TTC27: variants seen among roughly 807,000 people sequenced by gnomAD.
TTC27 encodes the protein tetratricopeptide repeat protein 27.
TTC27 carries 79 observed loss-of-function variants against 115.9 expected under a neutral mutation model. The ratio of observed to expected loss-of-function variants is 0.68; its 90% CI spans 0.57 to 0.82. TTC27 has a LOEUF of 0.82. Ranked by LOEUF, TTC27 falls within the 40% of genes least tolerant of loss-of-function variation. The pLI is 0.00. For synonymous variants in TTC27, 401 were observed against 356.0 expected (o/e 1.13, Z -1.42); for missense variants, 1,054 against 993.1 (o/e 1.06, Z -0.82).
chr2:32,813,305 C>T (rs1328392430), intron 18 of TTC27, among the ~76,000 whole-genome samples: 1 of 152,132 alleles, frequency 6.6e-6, no homozygotes, highest in African/African-American at 2.4e-5. Context: ...TAAAGTTCTC[C>T]TTCTACTTCC....
At position 32,760,775 on chromosome 2, in the gene TTC27, C is replaced by T. The variant is rs144551613; in HGVS notation, c.1680+2256C>T. Among the ~76,000 whole-genome samples, 475 of 152,314 alleles carry T rather than the reference C, an allele frequency of 3.1e-3. 10 individuals carry two copies. The highest frequency in any genetic ancestry group is 0.029 in the East Asian group (152 of 5,186). ...GTTCCCTCGCTTAGCCTGCCACAATCGCAGTTAAATCAGTGCCAGGTGCCT... is the reference window on the plus strand; with the variant it reads ...GTTCCCTCGCTTAGCCTGCCACAATTGCAGTTAAATCAGTGCCAGGTGCCT... On this transcript the variant is annotated intron_variant, in intron 13 of 19. Transcript: ENST00000317907.
chr2:32,668,301 T>C (rs910338423), intron 7 of TTC27, among the ~76,000 whole-genome samples: 9 of 148,954 alleles, frequency 6.0e-5, no homozygotes, highest in Non-Finnish European at 1.2e-4. Flanking sequence ...ACCCAGGAGG[T>C]GGAGGCTACA....
intron 10 of TTC27, among the ~76,000 whole-genome samples, chr2:32,708,526 T>C (rs1304500352): frequency 6.6e-6 from 1 of 151,886 alleles, no homozygotes; most frequent in Non-Finnish European, 1.5e-5. Flanking sequence ...GTCAGGCTGG[T>C]CTTGAACTCC....
chr2:32,664,151 T>C (rs774679994), intron 5 of TTC27, 152 bp from the exon 6 acceptor site: 39 of 587,022 alleles, frequency 6.6e-5, no homozygotes, highest in Non-Finnish European at 9.1e-5. Flanking sequence ...TGGTAACTAT[T>C]AGTGTTACTG....
At position 32,821,043 on chromosome 2, in the gene TTC27, A is replaced by T; in HGVS notation, c.*105A>T. 1 of 1,131,152 alleles carries T rather than the reference A, an allele frequency of 8.8e-7. No individual in the cohort carries two copies. The highest frequency in any genetic ancestry group is 3.4e-5 in the South Asian group (1 of 29,670). The allele number at this position is 1,131,152 out of a possible 1,614,324, so 70.1% of individuals were successfully genotyped here. A position where few individuals can be genotyped will look rare whatever the true frequency, so the allele number is the denominator to read the frequency against. On this transcript the variant is annotated 3_prime_UTR_variant, in exon 20 of 20. Transcript: ENST00000317907. ...TTGATTTTTAAAATAAATTTGTTTT[A>T]TGACTTAACATTCTTGGTTTTGTGA...
chr2:32,637,396 A>G (rs1664469356), intron 3 of TTC27, among the ~76,000 whole-genome samples: 1 of 151,916 alleles, frequency 6.6e-6, no homozygotes, highest in South Asian at 2.1e-4. Context: ...CAGTGGCGCA[A>G]TCTCAGCTCA....
intron 9 of TTC27, among the ~76,000 whole-genome samples, chr2:32,696,898 CAG>C (rs1667005552): frequency 2.0e-5 from 3 of 152,066 alleles, no homozygotes; most frequent in African/African-American, 4.8e-5. Flanking sequence ...GTTTTCCACT[CAG>C]AGAATTAGTG....
intron 9 of TTC27, among the ~76,000 whole-genome samples, chr2:32,680,205 A>C (rs771081718): frequency 2.0e-5 from 3 of 152,152 alleles, no homozygotes; most frequent in Non-Finnish European, 4.4e-5. Context: ...TAACTGTGGA[A>C]ATGTTCCTCA....
intron 14 of TTC27, among the ~76,000 whole-genome samples, chr2:32,778,759 T>C (rs561317387): frequency 6.6e-6 from 1 of 152,370 alleles, no homozygotes; most frequent in East Asian, 1.9e-4. Context: ...GACATTTGGA[T>C]TGTTTCCACT....
intron 2 of TTC27, 77 bp from the exon 3 acceptor site, chr2:32,633,798 AC>A: frequency 1.4e-6 from 2 of 1,458,248 alleles, no homozygotes; most frequent in Non-Finnish European, 1.9e-6. Context: ...TCTTAATAAA[AC>A]TGAAATGGAA....
chr2:32,712,917 A>C (rs941837758), intron 10 of TTC27, among the ~76,000 whole-genome samples: 1 of 152,194 alleles, frequency 6.6e-6, no homozygotes, highest in African/African-American at 2.4e-5. Flanking sequence ...GTTTATGTGC[A>C]TCTCCCAAAG....
intron 10 of TTC27, among the ~76,000 whole-genome samples, chr2:32,717,576 A>G (rs1371830198): frequency 6.6e-6 from 1 of 152,076 alleles, no homozygotes; most frequent in Non-Finnish European, 1.5e-5. Context: ...CTCATTGTGT[A>G]ACTTTTTCAC....
intron 12 of TTC27, among the ~76,000 whole-genome samples, chr2:32,745,709 T>G (rs1216264922): frequency 2.6e-5 from 4 of 152,118 alleles, no homozygotes; most frequent in African/African-American, 9.7e-5. Flanking sequence ...TAAGGATACT[T>G]CATCTTAAAA....
chr2:32,790,690 T>TC (rs1670505569), intron 16 of TTC27, among the ~76,000 whole-genome samples: 1 of 152,136 alleles, frequency 6.6e-6, no homozygotes, highest in South Asian at 2.1e-4. Flanking sequence ...TTGTATCCTT[T>TC]CCCCAACAAT....
At chr2:32,762,491 C>T (rs528357643) in intron 13 of TTC27, among the ~76,000 whole-genome samples, 68 of 152,174 alleles carry the variant, frequency 4.5e-4, no homozygotes, top group African/African-American at 1.3e-3. Context: ...GGGTTGATTT[C>T]TTTGGAGCTT....
At chr2:32,686,603 C>T (rs1410171710) in intron 9 of TTC27, among the ~76,000 whole-genome samples, 5 of 151,904 alleles carry the variant, frequency 3.3e-5, no homozygotes, top group East Asian at 1.9e-4. Context: ...TCAAGTGATC[C>T]GCCCGCCTCA....
intron 16 of TTC27, among the ~76,000 whole-genome samples, chr2:32,804,425 A>G (rs1372983476): frequency 6.6e-6 from 1 of 152,220 alleles, no homozygotes; most frequent in African/African-American, 2.4e-5. Context: ...TATTTATACT[A>G]CTACTGATAA....
intron 9 of TTC27, among the ~76,000 whole-genome samples, chr2:32,681,068 C>G (rs1666407041): frequency 6.6e-6 from 1 of 152,134 alleles, no homozygotes; most frequent in South Asian, 2.1e-4. Context: ...TGTGATTTTT[C>G]TGCTTTCCTC....
chr2:32,811,478 TG>T, intron 17 of TTC27, among the ~76,000 whole-genome samples: 1 of 152,282 alleles, frequency 6.6e-6, no homozygotes, highest in East Asian at 1.9e-4. Flanking sequence ...CCTCTTGAAA[TG>T]GCCACCCCTA....
Sources: allele counts gnomAD v4.1 joint callset (sites outside exome capture counted in the v4.1 genomes callset), GRCh38; gene constraint gnomAD v4.1.1; transcripts MANE v1.5; gene names NCBI Gene and HGNC (gene_info 2026-07-23, HGNC 2026-07-21).